Variants in CCDC171 observed in about 807,000 individuals in gnomAD.
CCDC171 encodes the protein coiled-coil domain-containing protein 171.
A neutral mutation model predicts 168.2 loss-of-function variants in CCDC171; 177 were observed. The observed-to-expected ratio is 1.05, with a 90% confidence interval of 0.93 to 1.19. CCDC171 has a LOEUF of 1.19. Ranked by LOEUF, CCDC171 falls within the 50% of genes most tolerant of loss-of-function variation. CCDC171 has a pLI of 0.00. For synonymous variants in CCDC171, 687 were observed against 540.8 expected (o/e 1.27, Z -3.75); for missense variants, 1,991 against 1,539.0 (o/e 1.29, Z -4.91).
At position 15,623,502 on chromosome 9, in the gene CCDC171, C is replaced by CACACACACACACACACAGAG. The variant is rs1006558906; in HGVS notation, c.822+94_822+95insCACACACACACAGAGACACA. On this transcript the variant is annotated intron_variant, in intron 7 of 25. Coordinates refer to ENST00000380701, the MANE Select transcript of CCDC171 (RefSeq NM_173550.4). ...ACACACACACACACACACACACACA[C>CACACACACACACACACAGAG]ACACATAAAACCCATTCCGTGATTT... The CACACACACACACACACAGAG allele has an allele frequency of 5.8e-6, 4 of 693,530 alleles. No individual in the cohort carries two copies. In the African/African-American group the frequency reaches 7.3e-5, roughly 13 times the overall value. 43.0% of individuals were successfully genotyped at this position (693,530 alleles called of 1,614,324 possible).
At chr9:15,723,815 A>C in intron 13 of CCDC171, 69 bp downstream of exon 13, 1 of 737,440 alleles carries the variant, frequency 1.4e-6, no homozygotes, top group Non-Finnish European at 2.2e-6. Context: ...AATATTTTAA[A>C]GTAGAGATAT....
intron 6 of CCDC171, among the ~76,000 whole-genome samples, chr9:15,617,982 G>C (rs943680037): frequency 5.3e-5 from 8 of 152,022 alleles, no homozygotes; most frequent in African/African-American, 1.2e-4. Context: ...GAGGCAGGGG[G>C]GTCAGGGACC....
intron 11 of CCDC171, among the ~76,000 whole-genome samples, chr9:15,709,250 G>C (rs2052475071): frequency 6.6e-6 from 1 of 152,156 alleles, no homozygotes; most frequent in African/African-American, 2.4e-5. Context: ...GTAAAAGAAT[G>C]ACATAAGGAA....
chr9:15,652,591 T>G (rs2047611389), intron 7 of CCDC171, among the ~76,000 whole-genome samples: 1 of 151,958 alleles, frequency 6.6e-6, no homozygotes, highest in South Asian at 2.1e-4. Flanking sequence ...CCACCACACT[T>G]GGCTAATTTT....
intron 23 of CCDC171, among the ~76,000 whole-genome samples, chr9:15,857,411 G>A (rs1487842078): frequency 6.6e-6 from 1 of 151,610 alleles, no homozygotes; most frequent in Non-Finnish European, 1.5e-5. Flanking sequence ...TTTTAATATG[G>A]TGTAAGGTAG....
intron 7 of CCDC171, among the ~76,000 whole-genome samples, chr9:15,641,261 A>T (rs1400096396): frequency 6.6e-6 from 1 of 152,180 alleles, no homozygotes; most frequent in Admixed American, 6.6e-5. Flanking sequence ...TCCTGAGGAA[A>T]TCATTAACTA....
chr9:15,808,626 T>TGCCTCA (rs1422392216), intron 21 of CCDC171, among the ~76,000 whole-genome samples: 1 of 152,172 alleles, frequency 6.6e-6, no homozygotes, highest in Non-Finnish European at 1.5e-5. Context: ...GAGAGCAGGG[T>TGCCTCA]GCCTCAGTGA....
chr9:15,728,049 A>T lies in CCDC171; in HGVS notation c.1860+13A>T. On this transcript the variant is annotated intron_variant, in intron 15 of 25. Coordinates refer to ENST00000380701, the MANE Select transcript of CCDC171 (RefSeq NM_173550.4). ...GGCTAATGAGAAGGTAACTGTCCTC[A>T]GGCACCAGATACCTCTATTAAATTC... The T allele has an allele frequency of 6.3e-7, 1 of 1,598,950 alleles. No homozygotes were observed. Among genetic ancestry groups the T allele is most frequent in the Non-Finnish European group, 8.5e-7 (1 of 1,170,832 alleles).
At chr9:15,636,394 A>G (rs1186232585) in intron 7 of CCDC171, among the ~76,000 whole-genome samples, 1 of 152,164 alleles carries the variant, frequency 6.6e-6, no homozygotes, top group African/African-American at 2.4e-5. Flanking sequence ...CAATAAATTC[A>G]GGAATTCATT....
chr9:15,607,075 A>G (rs1301711883), intron 6 of CCDC171, among the ~76,000 whole-genome samples: 2 of 152,188 alleles, frequency 1.3e-5, no homozygotes, highest in Admixed American at 1.3e-4. Flanking sequence ...GTTACATTGC[A>G]TCTCAGGATT....
At chr9:15,896,108 G>A (rs1250263768) in intron 24 of CCDC171, among the ~76,000 whole-genome samples, 2 of 151,758 alleles carry the variant, frequency 1.3e-5, no homozygotes, top group South Asian at 2.1e-4. Flanking sequence ...TTTCTTTACA[G>A]TAATCTTTAG....
the CCDC171 span, among the ~76,000 whole-genome samples, chr9:16,083,048 C>A: frequency 6.6e-6 from 1 of 152,156 alleles, no homozygotes; most frequent in Non-Finnish European, 1.5e-5. Flanking sequence ...GGAATGAAAT[C>A]ACTGTGCACT....
intron 6 of CCDC171, among the ~76,000 whole-genome samples, chr9:15,606,052 G>A (rs914670695): frequency 1.3e-5 from 2 of 152,108 alleles, no homozygotes; most frequent in Admixed American, 1.3e-4. Context: ...ATTAGGCGCA[G>A]TAAGAGATTA....
At chr9:15,878,151 G>A (rs575692616) in intron 24 of CCDC171, among the ~76,000 whole-genome samples, 1 of 152,190 alleles carries the variant, frequency 6.6e-6, no homozygotes, top group African/African-American at 2.4e-5. Flanking sequence ...AAATTTAAGA[G>A]CTTCTGTACA....
At chr9:15,896,872 G>T (rs1018063654) in intron 24 of CCDC171, among the ~76,000 whole-genome samples, 4 of 152,034 alleles carry the variant, frequency 2.6e-5, no homozygotes, top group African/African-American at 9.7e-5. Flanking sequence ...CCGAATATGG[G>T]CTATCCAGAA....
chr9:15,623,473 G>GTGCACA, intron 7 of CCDC171, 60 bp downstream of exon 7: 2 of 464,728 alleles, frequency 4.3e-6, no homozygotes, highest in Non-Finnish European at 3.6e-6. Context: ...ATGCGCGCGC[G>GTGCACA]CGCACACACA....
intron 9 of CCDC171, among the ~76,000 whole-genome samples, chr9:15,674,308 C>T (rs375638076): frequency 2.6e-5 from 4 of 152,078 alleles, no homozygotes; most frequent in Non-Finnish European, 5.9e-5. Flanking sequence ...TTTCAAAAAA[C>T]GAGCTCCTGG....
chr9:15,622,605 G>A (rs2044594738), intron 6 of CCDC171, among the ~76,000 whole-genome samples: 1 of 152,172 alleles, frequency 6.6e-6, no homozygotes, highest in Admixed American at 6.5e-5. Flanking sequence ...TGTGGAGAAT[G>A]CCTTTGATAT....
chr9:15,607,651 C>T (rs1480169867), intron 6 of CCDC171, among the ~76,000 whole-genome samples: 9 of 151,896 alleles, frequency 5.9e-5, no homozygotes, highest in Admixed American at 1.3e-4. Flanking sequence ...TTAGTAGAGA[C>T]GGGGTTTCGC....
Sources: allele counts gnomAD v4.1 joint callset (sites outside exome capture counted in the v4.1 genomes callset), GRCh38; gene constraint gnomAD v4.1.1; transcripts MANE v1.5; gene names NCBI Gene and HGNC (gene_info 2026-07-23, HGNC 2026-07-21).